The following ADCY1 variants were observed in gnomAD, a reference collection of about 807,000 sequenced individuals.
ADCY1 encodes the protein adenylate cyclase 1.
ADCY1 carries 28 observed loss-of-function variants against 105.4 expected under a neutral mutation model. The ratio of observed to expected loss-of-function variants is 0.27; its 90% CI spans 0.20 to 0.36. The LOEUF is 0.36. ADCY1 is among the 10% of genes least tolerant of loss of function. The pLI is 1.00. For synonymous variants in ADCY1, 655 were observed against 623.8 expected (o/e 1.05, Z -0.75); for missense variants, 977 against 1,434.2 (o/e 0.68, Z 5.15).
chr7:45,590,991 A>G (rs960968896), intron 1 of ADCY1, among the ~76,000 whole-genome samples: 1 of 152,040 alleles, frequency 6.6e-6, no homozygotes, highest in African/African-American at 2.4e-5. Context: ...CAGGCAGAGG[A>G]TGGCTGTCAG....
At chr7:45,587,263 C>T (rs1792758397) in intron 1 of ADCY1, among the ~76,000 whole-genome samples, 1 of 152,130 alleles carries the variant, frequency 6.6e-6, no homozygotes, top group Non-Finnish European at 1.5e-5. Flanking sequence ...ATGGCCAGGG[C>T]GTGTGCTTCC....
intron 5 of ADCY1, among the ~76,000 whole-genome samples, chr7:45,651,212 G>A (rs1308784448): frequency 6.6e-6 from 1 of 152,138 alleles, no homozygotes; most frequent in Non-Finnish European, 1.5e-5. Context: ...AGCCACCGAA[G>A]ACTGAGCACG....
At chr7:45,680,753 A>C (rs1019295719) in intron 11 of ADCY1, 1 of 152,224 alleles carries the variant, frequency 6.6e-6, no homozygotes, top group Non-Finnish European at 1.5e-5. Flanking sequence ...TATAATTTCA[A>C]GTGAAAGCAG....
At chr7:45,678,333 T>G in intron 10 of ADCY1, 70 bp downstream of exon 10, 1 of 1,458,282 alleles carries the variant, frequency 6.9e-7, no homozygotes, top group Non-Finnish European at 9.6e-7. Flanking sequence ...GTGGTTGTGT[T>G]TCTGGGGTTC....
At chr7:45,685,872 AC>A in intron 12 of ADCY1, 89 bp from the exon 13 acceptor site, 2 of 1,483,682 alleles carry the variant, frequency 1.3e-6, no homozygotes, top group Non-Finnish European at 1.8e-6. Flanking sequence ...ACCTTGGGAG[AC>A]CTGCTTGAAG....
chr7:45,706,688 AAG>A (rs1461088509), intron 17 of ADCY1, among the ~76,000 whole-genome samples: 1 of 152,156 alleles, frequency 6.6e-6, no homozygotes, highest in Non-Finnish European at 1.5e-5. Flanking sequence ...TGATTCATGA[AAG>A]AAAAAATTGG....
chr7:45,575,329 C>A lies in ADCY1; in HGVS notation c.639+147C>A. 1.9e-6 allele frequency: 2 copies of A among 1,068,774 alleles called. No homozygotes were observed. The highest frequency in any genetic ancestry group is 1.6e-5 in the African/African-American group (1 of 62,440). 66.2% of individuals were successfully genotyped at this position (1,068,774 alleles called of 1,614,324 possible). A position where few individuals can be genotyped will look rare whatever the true frequency, so the allele number is the denominator to read the frequency against. ...GGGGGTGTGTTCAAGGTCACTCCTA[C>A]GAGTTGGGGACGCAGTCGGGGCTGG... On this transcript the variant is annotated intron_variant, in intron 1 of 19. Coordinates refer to ENST00000297323, the MANE Select transcript of ADCY1 (RefSeq NM_021116.4). This position sits in a 1 kb window ranked among gnomAD's most constrained non-coding sequence, Gnocchi z 4.7.
In ADCY1 at chr7:45,591,637, C is replaced by G. The variant is rs554029481; in HGVS notation, c.640-1122C>G. Among the ~76,000 whole-genome samples, 6 of 152,370 alleles carry G rather than the reference C, an allele frequency of 3.9e-5. No individual in the cohort carries two copies. The highest frequency in any genetic ancestry group is 1.4e-4 in the African/African-American group (6 of 41,590). ...GGACACCCGTTTCATACAATACTTA[C>G]AAACTGCAGCCCCTCTTCAGGGCCT... On this transcript the variant is annotated intron_variant, in intron 1 of 19. Coordinates refer to ENST00000297323, the MANE Select transcript of ADCY1 (RefSeq NM_021116.4). This position sits in a 1 kb window ranked among gnomAD's most constrained non-coding sequence, Gnocchi z 4.1.
intron 3 of ADCY1, among the ~76,000 whole-genome samples, chr7:45,617,069 C>T (rs549346851): frequency 1.2e-4 from 18 of 152,314 alleles, no homozygotes; most frequent in Admixed American, 2.6e-4. Flanking sequence ...GGTCCCACAC[C>T]GATTCTGCAA....
In ADCY1 at chr7:45,659,097, C is replaced by A. The variant is rs113226093; in HGVS notation, c.1308-945C>A. The stretch of plus-strand genomic sequence containing the variant: ...CTCTCTTCCTGGCCTGGCAGTCCCT[C>A]CCTGTCCCTCCTTCTCCCACCCCCT... On this transcript the variant is annotated intron_variant, in intron 6 of 19. Transcript: ENST00000297323. 1.6e-3 allele frequency among the ~76,000 whole-genome samples: 250 copies of A among 152,332 alleles called. 1 individual carries two copies. Among genetic ancestry groups the A allele is most frequent in the African/African-American group, 5.8e-3 (242 of 41,574 alleles).
At chr7:45,691,014 ACAG>A (rs1475839658) in intron 14 of ADCY1, among the ~76,000 whole-genome samples, 4 of 152,232 alleles carry the variant, frequency 2.6e-5, no homozygotes, top group African/African-American at 9.6e-5. Context: ...TCATTCTCAG[ACAG>A]CAGATTTGGG....
chr7:45,614,719 A>G (rs1793691466), intron 3 of ADCY1, among the ~76,000 whole-genome samples: 1 of 152,206 alleles, frequency 6.6e-6, no homozygotes, highest in Admixed American at 6.5e-5. Flanking sequence ...CCCCAAATAG[A>G]GCAAAGATGG....
chr7:45,600,177 T>C (rs1329843087), intron 2 of ADCY1, among the ~76,000 whole-genome samples: 1 of 152,228 alleles, frequency 6.6e-6, no homozygotes, highest in Non-Finnish European at 1.5e-5. Context: ...TGGTGGTCTA[T>C]GAGGGAGAGG....
At chr7:45,624,035 T>A (rs1420063106) in intron 4 of ADCY1, among the ~76,000 whole-genome samples, 1 of 152,118 alleles carries the variant, frequency 6.6e-6, no homozygotes, top group Non-Finnish European at 1.5e-5. Context: ...GGCAGTGAGC[T>A]CTGTTCAGCA....
At chr7:45,662,944 C>T (rs1486816733) in intron 8 of ADCY1, among the ~76,000 whole-genome samples, 1 of 152,200 alleles carries the variant, frequency 6.6e-6, no homozygotes, top group African/African-American at 2.4e-5. Flanking sequence ...CATACTGCTG[C>T]TGCCTTGTGA....
At chr7:45,678,459 G>A (rs1784502490) in intron 10 of ADCY1, among the ~76,000 whole-genome samples, 196 bp downstream of exon 10, 1 of 152,148 alleles carries the variant, frequency 6.6e-6, no homozygotes, top group Non-Finnish European at 1.5e-5. Context: ...AGTCAGTAGT[G>A]TAACAAGCCT....
At chr7:45,587,824 G>T (rs1286172482) in intron 1 of ADCY1, among the ~76,000 whole-genome samples, 1 of 152,158 alleles carries the variant, frequency 6.6e-6, no homozygotes, top group African/African-American at 2.4e-5. Context: ...ATTGTGTCAG[G>T]GCACTTCTGT....
intron 17 of ADCY1, among the ~76,000 whole-genome samples, chr7:45,705,749 A>C (rs182705073): frequency 6.6e-6 from 1 of 152,354 alleles, no homozygotes; most frequent in South Asian, 2.1e-4. Context: ...ATACAGACTG[A>C]GAAGGAATCT....
chr7:45,677,039 A>G (rs1584324709), intron 8 of ADCY1, among the ~76,000 whole-genome samples: 1 of 152,146 alleles, frequency 6.6e-6, no homozygotes, highest in South Asian at 2.1e-4. Context: ...TAAATAAGGC[A>G]GAAAGAAACC....
Sources: allele counts gnomAD v4.1 joint callset (sites outside exome capture counted in the v4.1 genomes callset), GRCh38; gene constraint gnomAD v4.1.1; non-coding constraint Gnocchi (gnomAD v3.1); transcripts MANE v1.5; gene names NCBI Gene and HGNC (gene_info 2026-07-23, HGNC 2026-07-21).